BCAS1: variants seen among roughly 807,000 people sequenced by gnomAD.
BCAS1 encodes breast carcinoma-amplified sequence 1.
Under a neutral mutation model 65.4 loss-of-function variants are expected in BCAS1, and 46 were observed. The ratio of observed to expected loss-of-function variants is 0.70; its 90% CI spans 0.55 to 0.90. The LOEUF (loss-of-function observed/expected upper bound fraction) is 0.90, where lower values mean the gene tolerates loss of function less well. BCAS1 is among the 40% of genes least tolerant of loss of function. The pLI is 0.00. For synonymous variants in BCAS1, 298 were observed against 293.5 expected (o/e 1.02, Z -0.16); for missense variants, 793 against 771.2 (o/e 1.03, Z -0.33).
Position 53,979,409 on chromosome 20 carries a change from G to A in BCAS1, c.1276-3979C>T, listed in dbSNP as rs115499517. 1.5e-3 allele frequency among the ~76,000 whole-genome samples: 225 copies of A among 152,290 alleles called. 1 individual carries two copies. The highest frequency in any genetic ancestry group is 5.2e-3 in the African/African-American group (216 of 41,544). ...CTGGCTGTCTACTGGGGAGAAAAAGGGCTGTATGGATGCCTACAGTGGGTC... is the reference window on the plus strand; with the variant it reads ...CTGGCTGTCTACTGGGGAGAAAAAGAGCTGTATGGATGCCTACAGTGGGTC... On this transcript the variant is annotated intron_variant, in intron 8 of 12. Transcript: ENST00000688948.
intron 8 of BCAS1, among the ~76,000 whole-genome samples, chr20:53,976,508 C>T (rs140674050): frequency 1.3e-5 from 2 of 151,994 alleles, no homozygotes; most frequent in East Asian, 1.9e-4. Context: ...AGGCATCTTG[C>T]GTTATATATC....
At chr20:54,031,195 A>G (rs2091792239) in intron 3 of BCAS1, among the ~76,000 whole-genome samples, 1 of 151,568 alleles carries the variant, frequency 6.6e-6, no homozygotes, top group South Asian at 2.1e-4. Context: ...AAAGTCTTCA[A>G]AAAACACAAA....
chr20:53,990,666 C>T (rs529000733), intron 7 of BCAS1, among the ~76,000 whole-genome samples: 11 of 152,206 alleles, frequency 7.2e-5, no homozygotes, highest in African/African-American at 2.2e-4. Context: ...TTTAAAGGCC[C>T]TACTTTCCTA....
chr20:53,988,718 C>T (rs973392144), intron 7 of BCAS1, among the ~76,000 whole-genome samples: 3 of 152,138 alleles, frequency 2.0e-5, no homozygotes, highest in African/African-American at 7.2e-5. Context: ...GCTGTAATTT[C>T]CCAATGGTAC....
chr20:53,978,463 A>G (rs922120976), intron 8 of BCAS1, among the ~76,000 whole-genome samples: 1 of 152,230 alleles, frequency 6.6e-6, no homozygotes, highest in Non-Finnish European at 1.5e-5. Context: ...ACAATAGATA[A>G]AAAACATGCA....
chr20:54,035,309 G>A (rs1453061061), intron 3 of BCAS1, among the ~76,000 whole-genome samples: 2 of 148,858 alleles, frequency 1.3e-5, no homozygotes, highest in African/African-American at 4.9e-5. Context: ...GCTGAGGCAG[G>A]AGAATGGTGT....
At chr20:53,956,776 A>G (rs981872077) in intron 11 of BCAS1, among the ~76,000 whole-genome samples, 2 of 152,100 alleles carry the variant, frequency 1.3e-5, no homozygotes, top group Non-Finnish European at 2.9e-5. Flanking sequence ...ATTTGATGCC[A>G]TTTTTTGTGG....
At chr20:53,985,249 GC>G (rs1568843956) in intron 8 of BCAS1, 37 bp downstream of exon 8, 1 of 1,592,992 alleles carries the variant, frequency 6.3e-7, no homozygotes, top group Non-Finnish European at 8.6e-7. Flanking sequence ...AGTCATCCCC[GC>G]CCGGACGACT....
intron 6 of BCAS1, among the ~76,000 whole-genome samples, chr20:53,993,904 T>C (rs2276499): frequency 0.14 from 20,666 of 152,218 alleles, 1,788 homozygotes; most frequent in East Asian, 0.26. Context: ...GCTGTGATCA[T>C]TGAAATAGGG....
intron 12 of BCAS1, 122 bp from the exon 13 acceptor site, chr20:53,945,118 C>G: frequency 1.2e-6 from 1 of 855,486 alleles, no homozygotes; most frequent in South Asian, 1.4e-5. Flanking sequence ...TATCTCATTC[C>G]TCAGTGCTGG....
chr20:54,068,873 C>T (rs897225925), intron 1 of BCAS1, among the ~76,000 whole-genome samples: 2 of 152,012 alleles, frequency 1.3e-5, no homozygotes, highest in African/African-American at 4.8e-5. Flanking sequence ...CAAAGGTACC[C>T]CCGCCCCCAA....
At chr20:53,984,755 A>C (rs1312273450) in intron 8 of BCAS1, among the ~76,000 whole-genome samples, 2 of 152,344 alleles carry the variant, frequency 1.3e-5, no homozygotes, top group East Asian at 3.9e-4. Context: ...GAACAAAATC[A>C]GACAGTGGTT....
chr20:54,051,800 C>T (rs138946705), intron 3 of BCAS1, among the ~76,000 whole-genome samples: 6,376 of 151,716 alleles, frequency 0.042, 453 homozygotes, highest in African/African-American at 0.15. Context: ...TGCCGTGGCA[C>T]GATCTTGGCT....
intron 9 of BCAS1, among the ~76,000 whole-genome samples, chr20:53,972,813 G>A (rs1302343743): frequency 1.3e-5 from 2 of 152,088 alleles, no homozygotes; most frequent in Non-Finnish European, 2.9e-5. Flanking sequence ...AAGTGTAGGT[G>A]ATATTATTAT....
intron 1 of BCAS1, chr20:54,068,298 G>T (rs3787551): frequency 0.14 from 20,894 of 154,322 alleles, 1,864 homozygotes; most frequent in East Asian, 0.28. Context: ...CTTAGAGCTC[G>T]CTCTCATAGT....
chr20:54,063,091 AG>A (rs539339924), intron 1 of BCAS1, among the ~76,000 whole-genome samples: 52 of 152,314 alleles, frequency 3.4e-4, no homozygotes, highest in African/African-American at 1.3e-3. Context: ...AGTGCCCCAA[AG>A]GTCCTGGAAC....
intron 8 of BCAS1, among the ~76,000 whole-genome samples, chr20:53,976,657 T>G (rs911369140): frequency 6.6e-6 from 1 of 152,332 alleles, no homozygotes; most frequent in Non-Finnish European, 1.5e-5. Flanking sequence ...TACATTTATT[T>G]TACATCTAAA....
rs2089217379 is a variant in BCAS1 at position 53,943,810 on chromosome 20, T to A, written c.*1112A>T. ...TGAGATAAGTGTCAGACGGAACAGA[T>A]GAAGCGAGCCCCTCAGCCATCTGAG... is the stretch of plus-strand genomic sequence containing the variant. On this transcript the variant is annotated 3_prime_UTR_variant, in exon 13 of 13. Coordinates refer to ENST00000688948, the MANE Select transcript of BCAS1 (RefSeq NM_001366298.2). 1 of 151,904 alleles carries A rather than the reference T, an allele frequency of 6.6e-6. No homozygotes were observed. Among genetic ancestry groups the A allele is most frequent in the Non-Finnish European group, 1.5e-5 (1 of 68,016 alleles). The allele number at this position is 151,904 out of a possible 1,614,324, so 9.4% of individuals were successfully genotyped here.
At position 53,944,451 on chromosome 20, in the gene BCAS1, G is replaced by C. The variant is rs2089243614; in HGVS notation, c.*471C>G. The C allele has an allele frequency of 1.2e-5, 2 of 166,306 alleles. No homozygotes were observed. The allele number at this position is 166,306 out of a possible 1,614,324, so 10.3% of individuals were successfully genotyped here. A position where few individuals can be genotyped will look rare whatever the true frequency, so the allele number is the denominator to read the frequency against. On this transcript the variant is annotated 3_prime_UTR_variant, in exon 13 of 13. Transcript: ENST00000688948. Reference sequence around the variant, plus strand: ...GGGCTCCCGAGTAGCTGGGACTACAGGTGTGTGCCACCATGCCTGGCTAAT... The same window carrying C: ...GGGCTCCCGAGTAGCTGGGACTACACGTGTGTGCCACCATGCCTGGCTAAT...
Sources: allele counts gnomAD v4.1 joint callset (sites outside exome capture counted in the v4.1 genomes callset), GRCh38; gene constraint gnomAD v4.1.1; transcripts MANE v1.5; gene names NCBI Gene and HGNC (gene_info 2026-07-23, HGNC 2026-07-21).